DRGX: variants seen among roughly 807,000 people sequenced by gnomAD.
DRGX encodes the protein dorsal root ganglia homeobox.
Under a neutral mutation model 28.6 loss-of-function variants are expected in DRGX, and 21 were observed. That is an observed-to-expected ratio of 0.73 (90% CI 0.52 to 1.06). The LOEUF (loss-of-function observed/expected upper bound fraction) is 1.06. DRGX is among the 50% of genes least tolerant of loss of function. The pLI, the probability that DRGX is intolerant of heterozygous loss-of-function variation, is 0.00. For missense variants in DRGX, 354 were observed against 343.9 expected (o/e 1.03, Z -0.23); for synonymous variants, 136 against 139.1 (o/e 0.98, Z 0.16).
At chr10:49,391,943 A>G (rs1298789980) in intron 2 of DRGX, 1 of 469,140 alleles carries the variant, frequency 2.1e-6, no homozygotes, top group Non-Finnish European at 4.4e-6. Context: ...GACTTGAACA[A>G]GGCCACTCTC....
Position 49,365,663 on chromosome 10 carries a change from C to G in DRGX, c.*453G>C, listed in dbSNP as rs975973803. ...GAGCAAGAGTCGCTTGGGGTTCCAC[C>G]AGTTCCCCAGTTCTTAAACACTGTA... On this transcript the variant is annotated 3_prime_UTR_variant, in exon 7 of 7. Coordinates refer to ENST00000374139, the MANE Select transcript of DRGX (RefSeq NM_001276451.2). The G allele has an allele frequency of 6.4e-6, 1 of 155,938 alleles. No homozygotes were observed. Among genetic ancestry groups the G allele is most frequent in the Non-Finnish European group, 1.4e-5 (1 of 70,778 alleles). 9.7% of individuals were successfully genotyped at this position (155,938 alleles called of 1,614,324 possible). A position where few individuals can be genotyped will look rare whatever the true frequency, so the allele number is the denominator to read the frequency against.
intron 6 of DRGX, among the ~76,000 whole-genome samples, chr10:49,379,122 A>G (rs1849746889): frequency 6.6e-6 from 1 of 152,222 alleles, no homozygotes; most frequent in South Asian, 2.1e-4. Flanking sequence ...AATCCAAAAA[A>G]AATGCAAAAT....
chr10:49,386,385 G>T (rs1441354921), intron 6 of DRGX, 93 bp downstream of exon 6: 2 of 1,155,090 alleles, frequency 1.7e-6, no homozygotes, highest in Non-Finnish European at 1.2e-6. Context: ...AGGCCCAGGT[G>T]CAAGGACGGC....
intron 6 of DRGX, among the ~76,000 whole-genome samples, chr10:49,368,377 G>A (rs61848625): frequency 0.069 from 10,437 of 152,312 alleles, 436 homozygotes; most frequent in Middle Eastern, 0.14. Context: ...CAGCACACAC[G>A]CACAGTGTGC....
chr10:49,384,091 G>A (rs1849806324), intron 6 of DRGX, among the ~76,000 whole-genome samples: 1 of 152,230 alleles, frequency 6.6e-6, no homozygotes, highest in African/African-American at 2.4e-5. Flanking sequence ...GAATCTGAGG[G>A]TGCCCCCAGC....
Position 49,388,880 on chromosome 10 carries a change from C to A in DRGX, c.234+1253G>T, listed in dbSNP as rs114912674. Among the ~76,000 whole-genome samples, 522 of 152,320 alleles carry A rather than the reference C, an allele frequency of 3.4e-3. 2 individuals carry two copies. The highest frequency in any genetic ancestry group is 0.012 in the African/African-American group (503 of 41,556). ...GGAGGCTCACTAAACAAGCGCTTCA[C>A]AGCCATTGTCTGTCTGCATAATAGC... is the stretch of plus-strand genomic sequence containing the variant. On this transcript the variant is annotated intron_variant, in intron 4 of 6. Transcript: ENST00000374139.
intron 6 of DRGX, among the ~76,000 whole-genome samples, chr10:49,377,640 A>G (rs1197420663): frequency 6.6e-6 from 1 of 152,218 alleles, no homozygotes; most frequent in African/African-American, 2.4e-5. Flanking sequence ...GACCATGTGG[A>G]GAAAGAGGGA....
At chr10:49,383,392 G>C (rs1260144454) in intron 6 of DRGX, among the ~76,000 whole-genome samples, 2 of 152,200 alleles carry the variant, frequency 1.3e-5, no homozygotes, top group African/African-American at 2.4e-5. Flanking sequence ...GAAGGGGAAG[G>C]TGTCAGGATG....
rs566158333 is a variant in DRGX, at chr10:49,364,361, C to A, written c.*1755G>T. 6.6e-6 allele frequency: 1 copy of A among 152,300 alleles called. No homozygotes were observed. The highest frequency in any genetic ancestry group is 2.1e-4 in the South Asian group (1 of 4,830). 9.4% of individuals were successfully genotyped at this position (152,300 alleles called of 1,614,324 possible). On this transcript the variant is annotated 3_prime_UTR_variant, in exon 7 of 7. Transcript: ENST00000374139. ...GTAGTTTACTTAATTGTGTTATTGA[C>A]GATCAAAAGTAATTTCCTGAAAGTC...
chr10:49,379,161 G>T (rs1245827698), intron 6 of DRGX, among the ~76,000 whole-genome samples: 1 of 152,176 alleles, frequency 6.6e-6, no homozygotes, highest in Non-Finnish European at 1.5e-5. Flanking sequence ...AACCACTGTG[G>T]ATAAGGGAAA....
At chr10:49,394,414 T>C (rs1183763067) in intron 2 of DRGX, among the ~76,000 whole-genome samples, 1 of 152,136 alleles carries the variant, frequency 6.6e-6, no homozygotes, top group Non-Finnish European at 1.5e-5. Context: ...CCACAACTAC[T>C]TGGCTTCCCA....
chr10:49,395,703 G>A (rs1334070404), intron 1 of DRGX, among the ~76,000 whole-genome samples, 182 bp from the exon 2 acceptor site: 1 of 152,186 alleles, frequency 6.6e-6, no homozygotes, highest in Admixed American at 6.5e-5. Context: ...CAGTCCTTCG[G>A]GTGTGTCCAC....
intron 5 of DRGX, 24 bp downstream of exon 5, chr10:49,386,656 G>A (rs780221291): frequency 1.4e-5 from 22 of 1,571,114 alleles, no homozygotes; most frequent in South Asian, 2.4e-5. Context: ...ATGGCCCACC[G>A]GGCCCAGAGA....
intron 6 of DRGX, among the ~76,000 whole-genome samples, chr10:49,379,498 G>C (rs1047989868): frequency 6.6e-6 from 1 of 152,272 alleles, no homozygotes; most frequent in East Asian, 1.9e-4. Context: ...AGATGGTTTT[G>C]GGGGGCCTCA....
intron 6 of DRGX, among the ~76,000 whole-genome samples, chr10:49,383,391 G>C (rs1435228277): frequency 6.6e-6 from 1 of 152,200 alleles, no homozygotes; most frequent in Admixed American, 6.5e-5. Flanking sequence ...GGAAGGGGAA[G>C]GTGTCAGGAT....
rs76306084 is a variant in DRGX at position 49,387,818 on chromosome 10, T to C, written c.235-960A>G. Among the ~76,000 whole-genome samples the C allele has an allele frequency of 7.3e-3, 1,114 of 152,276 alleles. 6 individuals are homozygous for C. The highest frequency in any genetic ancestry group is 0.032 in the East Asian group (164 of 5,186). On this transcript the variant is annotated intron_variant, in intron 4 of 6. Transcript: ENST00000374139. ...AGTCCTGTTATCCCCATTTTTCAGATGAGAAAATTAAGTGCAGTGAGGTTA... is the reference window on the plus strand; with the variant it reads ...AGTCCTGTTATCCCCATTTTTCAGACGAGAAAATTAAGTGCAGTGAGGTTA...
intron 6 of DRGX, among the ~76,000 whole-genome samples, chr10:49,384,773 C>T (rs1977293): frequency 0.047 from 7,137 of 152,262 alleles, 466 homozygotes; most frequent in African/African-American, 0.15. Flanking sequence ...ACACTGCCCT[C>T]GGTCTCCCCA....
At chr10:49,386,407 C>G in intron 6 of DRGX, 71 bp downstream of exon 6, 1 of 1,383,074 alleles carries the variant, frequency 7.2e-7, no homozygotes, top group East Asian at 2.5e-5. Flanking sequence ...GAGCCAAGAC[C>G]CAGGCCGGTC....
Position 49,365,827 on chromosome 10 carries a change from G to C in DRGX, c.*289C>G, listed in dbSNP as rs895379498. The C allele has an allele frequency of 3.1e-6, 1 of 322,740 alleles. No homozygotes were observed. Among genetic ancestry groups the C allele is most frequent in the Non-Finnish European group, 5.6e-6 (1 of 179,072 alleles). 20.0% of individuals were successfully genotyped at this position (322,740 alleles called of 1,614,324 possible). On this transcript the variant is annotated 3_prime_UTR_variant, in exon 7 of 7. Transcript: ENST00000374139. ...AATCTACCTCCCTCCGAGACTCTGG[G>C]CCTGGATGGAAATCCCAGGGAGGCT... is the stretch of plus-strand genomic sequence containing the variant.
Sources: allele counts gnomAD v4.1 joint callset (sites outside exome capture counted in the v4.1 genomes callset), GRCh38; gene constraint gnomAD v4.1.1; transcripts MANE v1.5; gene names NCBI Gene and HGNC (gene_info 2026-07-23, HGNC 2026-07-21).